Variants in CFAP299 observed in about 807,000 individuals in gnomAD.
CFAP299 encodes cilia- and flagella-associated protein 299.
In CFAP299, 21 loss-of-function variants were observed where a neutral mutation model predicts 27.0. That is an observed-to-expected ratio of 0.78 (90% confidence interval 0.55 to 1.12). The LOEUF is 1.12. Among genes scored for constraint, CFAP299 ranks in the 50% most tolerant of loss-of-function variants. The probability of loss-of-function intolerance (pLI) is 0.00; values close to 1 mark genes in which losing one functional copy is unlikely to be tolerated. For synonymous variants in CFAP299, 104 were observed against 98.1 expected (o/e 1.06, Z -0.36); for missense variants, 310 against 276.6 (o/e 1.12, Z -0.86).
In CFAP299 at chr4:80,586,742, T is replaced by A. The variant is rs747948022; in HGVS notation, c.333+3559T>A. Among the ~76,000 whole-genome samples the A allele has an allele frequency of 2.6e-5, 4 of 152,162 alleles. No individual in the cohort carries two copies. The East Asian group carries it at 7.7e-4, about 29-fold the overall frequency. On this transcript the variant is annotated intron_variant, in intron 3 of 5. Coordinates refer to ENST00000358105, the MANE Select transcript of CFAP299 (RefSeq NM_152770.3). ...CCCTGATTTGTTGAGTGAAAAAAAATAAAACATTTCCTTTCTAATCAAAGA... is the reference window on the plus strand; with the variant it reads ...CCCTGATTTGTTGAGTGAAAAAAAAAAAAACATTTCCTTTCTAATCAAAGA...
chr4:80,504,119 G>A (rs1033006316), intron 2 of CFAP299, among the ~76,000 whole-genome samples: 5 of 152,000 alleles, frequency 3.3e-5, no homozygotes, highest in Non-Finnish European at 7.4e-5. Flanking sequence ...ATTATGGGGA[G>A]GAGATCGGCT....
chr4:80,595,385 A>G (rs529946156), intron 3 of CFAP299, among the ~76,000 whole-genome samples: 1 of 152,292 alleles, frequency 6.6e-6, no homozygotes, highest in Admixed American at 6.5e-5. Context: ...GTTTACATTT[A>G]GATGTATGTT....
At chr4:80,706,017 T>G (rs1721797992) in intron 3 of CFAP299, among the ~76,000 whole-genome samples, 2 of 151,898 alleles carry the variant, frequency 1.3e-5, no homozygotes, top group Admixed American at 1.3e-4. Flanking sequence ...GCAATATTGA[T>G]TATGCAATAA....
intron 2 of CFAP299, among the ~76,000 whole-genome samples, chr4:80,493,253 G>A (rs1731233947): frequency 6.6e-6 from 1 of 152,136 alleles, no homozygotes; most frequent in South Asian, 2.1e-4. Context: ...TTAATTATCA[G>A]CAAGGCAAGG....
intron 5 of CFAP299, among the ~76,000 whole-genome samples, chr4:80,954,583 C>A: frequency 6.6e-6 from 1 of 152,072 alleles, no homozygotes; most frequent in East Asian, 1.9e-4. Context: ...AAGAAAAACA[C>A]AGTTAAATGA....
At chr4:80,869,112 G>T (rs1027294) in intron 3 of CFAP299, among the ~76,000 whole-genome samples, 18,913 of 152,076 alleles carry the variant, frequency 0.12, 1,351 homozygotes, top group Middle Eastern at 0.25. Context: ...TGAGTCGCAA[G>T]AAGTCTCTGA....
chr4:80,860,564 G>C (rs1732263410), intron 3 of CFAP299, among the ~76,000 whole-genome samples: 1 of 152,088 alleles, frequency 6.6e-6, no homozygotes, highest in Non-Finnish European at 1.5e-5. Context: ...CTTTGATGAT[G>C]GTGATGTACA....
intron 2 of CFAP299, among the ~76,000 whole-genome samples, chr4:80,363,665 G>A (rs1203478339): frequency 2.0e-5 from 3 of 152,186 alleles, no homozygotes; most frequent in Non-Finnish European, 1.5e-5. Context: ...TATGCAATTA[G>A]AAGTGGCCAT....
chr4:80,847,617 G>A (rs1354849358), intron 3 of CFAP299, among the ~76,000 whole-genome samples: 1 of 152,134 alleles, frequency 6.6e-6, no homozygotes, highest in Non-Finnish European at 1.5e-5. Flanking sequence ...GTGACCCTAG[G>A]CCAGGTACTT....
At chr4:80,405,111 A>G (rs144272248) in intron 2 of CFAP299, among the ~76,000 whole-genome samples, 157 of 152,292 alleles carry the variant, frequency 1.0e-3, no homozygotes, top group Non-Finnish European at 1.9e-3. Flanking sequence ...GAACATGGCC[A>G]GTTTCCATAC....
intron 3 of CFAP299, among the ~76,000 whole-genome samples, chr4:80,606,638 A>G (rs1384026990): frequency 6.6e-6 from 1 of 152,174 alleles, no homozygotes; most frequent in African/African-American, 2.4e-5. Flanking sequence ...CCTTTTCCAT[A>G]TTAGAAATAA....
chr4:80,960,277 T>TC (rs1343998178), intron 5 of CFAP299, among the ~76,000 whole-genome samples: 2 of 152,022 alleles, frequency 1.3e-5, no homozygotes, highest in Non-Finnish European at 2.9e-5. Context: ...AATTTACTCT[T>TC]CATTTTGCTT....
chr4:80,575,557 A>G (rs1249080276), intron 2 of CFAP299, among the ~76,000 whole-genome samples: 1 of 151,404 alleles, frequency 6.6e-6, no homozygotes, highest in Non-Finnish European at 1.5e-5. Context: ...CAGTCTGGCT[A>G]GAGGTTTGCT....
intron 3 of CFAP299, among the ~76,000 whole-genome samples, chr4:80,667,474 C>T (rs1741199602): frequency 6.6e-6 from 1 of 152,062 alleles, no homozygotes; most frequent in Non-Finnish European, 1.5e-5. Context: ...ATTAATCAAC[C>T]TCTCTTTATT....
chr4:80,345,562 A>G (rs1051037202), intron 1 of CFAP299, among the ~76,000 whole-genome samples: 1 of 151,820 alleles, frequency 6.6e-6, no homozygotes, highest in African/African-American at 2.4e-5. Context: ...GCTGAGAATG[A>G]TGGTTTCCAG....
At chr4:80,722,452 T>C (rs557564664) in intron 3 of CFAP299, among the ~76,000 whole-genome samples, 16 of 150,406 alleles carry the variant, frequency 1.1e-4, no homozygotes, top group Non-Finnish European at 2.1e-4. Context: ...AAAGAAAACC[T>C]GATAAATTGG....
intron 2 of CFAP299, among the ~76,000 whole-genome samples, chr4:80,421,441 T>C (rs2110070086): frequency 6.6e-6 from 1 of 152,358 alleles, no homozygotes; most frequent in South Asian, 2.1e-4. Flanking sequence ...AGAAAGCCAA[T>C]AGATTTACTT....
At chr4:80,469,421 ATTTGTC>A (rs934114703) in intron 2 of CFAP299, among the ~76,000 whole-genome samples, 16 of 152,324 alleles carry the variant, frequency 1.1e-4, no homozygotes, top group Non-Finnish European at 1.8e-4. Context: ...AAATTTTCAT[ATTTGTC>A]TTAAGTTTTC....
At chr4:80,490,160 G>A (rs1731041052) in intron 2 of CFAP299, among the ~76,000 whole-genome samples, 1 of 152,078 alleles carries the variant, frequency 6.6e-6, no homozygotes, top group South Asian at 2.1e-4. Flanking sequence ...CCTCTTATAT[G>A]CTGTAAAACT....
Sources: allele counts gnomAD v4.1 joint callset (sites outside exome capture counted in the v4.1 genomes callset), GRCh38; gene constraint gnomAD v4.1.1; transcripts MANE v1.5; gene names NCBI Gene and HGNC (gene_info 2026-07-23, HGNC 2026-07-21).